The following LOXL2 variants were observed in gnomAD, a reference collection of about 807,000 sequenced individuals.
LOXL2 encodes lysyl oxidase homolog 2.
LOXL2 carries 70 observed loss-of-function variants against 93.0 expected under a neutral mutation model. The ratio of observed to expected loss-of-function variants is 0.75; its 90% CI spans 0.62 to 0.92. The LOEUF (loss-of-function observed/expected upper bound fraction) is 0.92, where lower values mean the gene tolerates loss of function less well. Ranked by LOEUF, LOXL2 falls within the 40% of genes least tolerant of loss-of-function variation. The probability of loss-of-function intolerance (pLI) is 0.00; values close to 1 mark genes in which losing one functional copy is unlikely to be tolerated. For missense variants in LOXL2, 973 were observed against 1,054.9 expected (o/e 0.92, Z 1.08); for synonymous variants, 438 against 413.2 (o/e 1.06, Z -0.73).
intron 1 of LOXL2, among the ~76,000 whole-genome samples, chr8:23,385,052 C>G (rs1277068187): frequency 6.9e-6 from 1 of 144,702 alleles, no homozygotes; most frequent in Non-Finnish European, 1.5e-5. Flanking sequence ...GGGAGCAATT[C>G]CACAGCAGTT....
intron 3 of LOXL2, among the ~76,000 whole-genome samples, chr8:23,348,720 A>G (rs1804035649): frequency 6.6e-6 from 1 of 152,116 alleles, no homozygotes. Flanking sequence ...TACTAAAAAT[A>G]CAAAAATTTA....
intron 8 of LOXL2, among the ~76,000 whole-genome samples, chr8:23,319,372 T>A (rs1803456227): frequency 6.6e-6 from 1 of 152,082 alleles, no homozygotes; most frequent in Non-Finnish European, 1.5e-5. Flanking sequence ...GTGCAGCTGA[T>A]GTGACAAGGC....
Position 23,298,870 on chromosome 8 carries a change from G to A in LOXL2, c.2211C>T (p.Asp737=), listed in dbSNP as rs373978855. ...NNIMKCRSRY[D]GHRIWMYNCH... Reference sequence around the variant, plus strand: ...AGTTGTACATCCAGATGCGGTGGCCGTCATAGCGGCTCCTGCATTTCATGA... The same window carrying A: ...AGTTGTACATCCAGATGCGGTGGCCATCATAGCGGCTCCTGCATTTCATGA... The change falls in exon 13 of 14, where the codon GAC becomes GAT. Residue 737 remains aspartate, a synonymous_variant. Coordinates refer to ENST00000389131, the MANE Select transcript of LOXL2 (RefSeq NM_002318.3). 10 of 1,613,754 alleles carry A rather than the reference G, an allele frequency of 6.2e-6. No homozygotes were observed. The highest frequency in any genetic ancestry group is 2.2e-5 in the South Asian group (2 of 91,078).
chr8:23,317,178 A>T, intron 8 of LOXL2, 64 bp from the exon 9 acceptor site: 1 of 1,527,272 alleles, frequency 6.5e-7, no homozygotes, highest in Non-Finnish European at 9.0e-7. Flanking sequence ...CTCATATCCT[A>T]TCAACTTGCA....
At chr8:23,366,804 T>A (rs986269312) in intron 2 of LOXL2, among the ~76,000 whole-genome samples, 1 of 152,298 alleles carries the variant, frequency 6.6e-6, no homozygotes, top group Middle Eastern at 3.4e-3. Flanking sequence ...AACTCTTAGC[T>A]CCTGGAAAAA....
intron 5 of LOXL2, chr8:23,329,246 G>A (rs1803635822): frequency 6.6e-6 from 1 of 152,178 alleles, no homozygotes; most frequent in Admixed American, 6.5e-5. Flanking sequence ...TTTGTCCCAG[G>A]GCTGGGGGCA....
chr8:23,322,820 G>T (rs184699845), intron 6 of LOXL2, among the ~76,000 whole-genome samples: 1 of 152,210 alleles, frequency 6.6e-6, no homozygotes, highest in Non-Finnish European at 1.5e-5. Flanking sequence ...TAGATACCAC[G>T]CCCGTTACCC....
chr8:23,303,711 A>G (rs1480933264), intron 10 of LOXL2, among the ~76,000 whole-genome samples: 1 of 152,138 alleles, frequency 6.6e-6, no homozygotes, highest in African/African-American at 2.4e-5. Flanking sequence ...ACTGCATATG[A>G]TAAGCACAGA....
chr8:23,373,745 C>T (rs929888454), intron 1 of LOXL2, among the ~76,000 whole-genome samples: 2 of 152,042 alleles, frequency 1.3e-5, no homozygotes, highest in South Asian at 2.1e-4. Context: ...CCTAAAGTTG[C>T]GCAGACGGTA....
intron 1 of LOXL2, among the ~76,000 whole-genome samples, chr8:23,382,775 T>C (rs975196480): frequency 6.6e-6 from 1 of 152,054 alleles, no homozygotes; most frequent in Non-Finnish European, 1.5e-5. Flanking sequence ...ACATCAGTGG[T>C]CCTGGTCCTG....
In LOXL2 at chr8:23,385,922, C is replaced by T. The variant is rs113812919; in HGVS notation, c.-83-17488G>A. On this transcript the variant is annotated intron_variant, in intron 1 of 13. Coordinates refer to ENST00000389131, the MANE Select transcript of LOXL2 (RefSeq NM_002318.3). ...TCCAGCACGTACTTTGCGTTTGCAG[C>T]GCATCTCAATTCCAAGCAGCACATT... 915 of 764,770 alleles carry T rather than the reference C, an allele frequency of 1.2e-3. 5 individuals are homozygous for T. Among genetic ancestry groups the T allele is most frequent in the African/African-American group, 0.01 (614 of 59,194 alleles). The allele number at this position is 764,770 out of a possible 1,614,324, so 47.4% of individuals were successfully genotyped here.
At chr8:23,309,278 A>G (rs1363436213) in intron 10 of LOXL2, among the ~76,000 whole-genome samples, 1 of 152,152 alleles carries the variant, frequency 6.6e-6, no homozygotes, top group Non-Finnish European at 1.5e-5. Context: ...CCACCGCGCC[A>G]GGCTGGGAAT....
At chr8:23,337,356 T>A (rs1803810723) in intron 4 of LOXL2, 1 of 152,212 alleles carries the variant, frequency 6.6e-6, no homozygotes, top group Non-Finnish European at 1.5e-5. Context: ...TGATCACAGC[T>A]CCTCAAGGAG....
chr8:23,326,428 C>T lies in LOXL2; in HGVS notation c.1150+1954G>A, dbSNP rs76740016. Among the ~76,000 whole-genome samples, 508 of 152,224 alleles carry T rather than the reference C, an allele frequency of 3.3e-3. 2 individuals are homozygous for T. Among genetic ancestry groups the T allele is most frequent in the African/African-American group, 0.012 (494 of 41,536 alleles). On this transcript the variant is annotated intron_variant, in intron 6 of 13. Coordinates refer to ENST00000389131, the MANE Select transcript of LOXL2 (RefSeq NM_002318.3). ...CCTTGGAGAGCACAAACCCACACATCGGCCAATCAGTAAATGACTGCAGGG... is the reference window on the plus strand; with the variant it reads ...CCTTGGAGAGCACAAACCCACACATTGGCCAATCAGTAAATGACTGCAGGG...
Position 23,346,137 on chromosome 8 carries a change from TA to T in LOXL2, c.532-4935del, listed in dbSNP as rs1379887259. Among the ~76,000 whole-genome samples, 769 of 75,704 alleles carry T rather than the reference TA, an allele frequency of 0.01. 51 individuals carry two copies. The East Asian group carries it at 0.16, about 16-fold the overall frequency. 49.7% of individuals were successfully genotyped at this position (75,704 alleles called of 152,430 possible). On this transcript the variant is annotated intron_variant, in intron 3 of 13. Transcript: ENST00000389131. ...AAAATTAAAATAAAATAAAATAAAA[TA>T]AAATAAATAAAATAAAATAAAAAAT...
intron 1 of LOXL2, among the ~76,000 whole-genome samples, chr8:23,384,760 A>G (rs1341980356): frequency 6.6e-6 from 1 of 152,140 alleles, no homozygotes; most frequent in African/African-American, 2.4e-5. Flanking sequence ...CTAAAAATAC[A>G]AAAATTAGCC....
At chr8:23,375,661 C>T (rs535999583) in intron 1 of LOXL2, among the ~76,000 whole-genome samples, 1 of 152,272 alleles carries the variant, frequency 6.6e-6, no homozygotes, top group African/African-American at 2.4e-5. Context: ...AGGTCCTTTA[C>T]ATCCCTTGCA....
chr8:23,302,643 G>A (rs968393608), intron 11 of LOXL2, among the ~76,000 whole-genome samples: 3 of 152,154 alleles, frequency 2.0e-5, no homozygotes, highest in South Asian at 2.1e-4. Flanking sequence ...AGTCAGTGGC[G>A]GGCCGCTTCA....
chr8:23,378,911 C>G (rs1048654178), intron 1 of LOXL2, among the ~76,000 whole-genome samples: 1 of 152,136 alleles, frequency 6.6e-6, no homozygotes, highest in African/African-American at 2.4e-5. Context: ...GTAGTTTGAT[C>G]GTCTGAAGCC....
Sources: allele counts gnomAD v4.1 joint callset (sites outside exome capture counted in the v4.1 genomes callset), GRCh38; gene constraint gnomAD v4.1.1; transcripts MANE v1.5; gene names NCBI Gene and HGNC (gene_info 2026-07-23, HGNC 2026-07-21).